B9D1: variants seen among roughly 807,000 people sequenced by gnomAD.
B9D1 encodes B9 domain containing 1.
B9D1 carries 20 observed loss-of-function variants against 26.1 expected under a neutral mutation model. The observed-to-expected ratio is 0.77, with a 90% confidence interval of 0.54 to 1.12. The LOEUF is 1.12. B9D1 is among the 50% of genes most tolerant of loss of function. The probability of loss-of-function intolerance (pLI) is 0.00; values close to 1 mark genes in which losing one functional copy is unlikely to be tolerated. For missense variants in B9D1, 260 were observed against 273.7 expected (o/e 0.95, Z 0.35); for synonymous variants, 105 against 103.1 (o/e 1.02, Z -0.11).
Position 19,362,616 on chromosome 17 carries a change from T to G in B9D1, c.-47A>C. 6.4e-7 allele frequency: 1 copy of G among 1,572,596 alleles called. No homozygotes were observed. Among genetic ancestry groups the G allele is most frequent in the South Asian group, 1.2e-5 (1 of 86,034 alleles). On this transcript the variant is annotated 5_prime_UTR_variant, in exon 1 of 7. Transcript: ENST00000261499. ...GGGACCCACCTAGGCCGCGCGCGGT[T>G]GCTAAGAGACGCCGGCGTTGCCCTA...
intron 3 of B9D1, among the ~76,000 whole-genome samples, chr17:19,348,455 G>C (rs1909156753): frequency 6.6e-6 from 1 of 152,238 alleles, no homozygotes; most frequent in Non-Finnish European, 1.5e-5. Flanking sequence ...GTGAGGCCCA[G>C]GGAGGGACTA....
intron 3 of B9D1, among the ~76,000 whole-genome samples, chr17:19,352,465 C>T (rs1322834969): frequency 6.6e-6 from 1 of 151,654 alleles, no homozygotes; most frequent in Non-Finnish European, 1.5e-5. Context: ...CTGCCTCACT[C>T]AGCCTCCCCA....
intron 5 of B9D1, among the ~76,000 whole-genome samples, chr17:19,346,144 G>A (rs1457409374): frequency 6.6e-6 from 1 of 152,204 alleles, no homozygotes; most frequent in East Asian, 1.9e-4. Context: ...GCACTGCCTC[G>A]CTGCCTCCCT....
Position 19,347,553 on chromosome 17 carries a change from T to G in B9D1, c.342-222A>C, listed in dbSNP as rs1451836205. On this transcript the variant is annotated intron_variant, in intron 4 of 6. Coordinates refer to ENST00000261499, the MANE Select transcript of B9D1 (RefSeq NM_015681.6). This position sits in a 1 kb window ranked among gnomAD's most constrained non-coding sequence, Gnocchi z 4.3. ...GGAGGTCAGAGTCCCTCAGGGTCTT[T>G]TCTTTTCTGGGTCCCACTACCTCCC... is the stretch of plus-strand genomic sequence containing the variant. Among the ~76,000 whole-genome samples the G allele has an allele frequency of 6.6e-6, 1 of 152,154 alleles. No individual in the cohort carries two copies. The highest frequency in any genetic ancestry group is 2.4e-5 in the African/African-American group (1 of 41,444).
chr17:19,366,011 A>T (rs1317570276), upstream of B9D1, among the ~76,000 whole-genome samples: 2 of 151,792 alleles, frequency 1.3e-5, no homozygotes, highest in African/African-American at 2.4e-5. Flanking sequence ...CTATCCGCCC[A>T]GAGAACTCCT....
downstream of B9D1, among the ~76,000 whole-genome samples, chr17:19,338,670 G>A (rs553180984): frequency 6.6e-6 from 1 of 152,294 alleles, no homozygotes; most frequent in African/African-American, 2.4e-5. Context: ...ATGTTCTGCT[G>A]GCAGCCCACA....
At chr17:19,352,746 C>T (rs1237348333) in intron 3 of B9D1, among the ~76,000 whole-genome samples, 2 of 152,056 alleles carry the variant, frequency 1.3e-5, no homozygotes, top group Non-Finnish European at 2.9e-5. Context: ...GTCTCGAACT[C>T]CCGACCTCAG....
At position 19,343,387 on chromosome 17, in the gene B9D1, A is replaced by G. The variant is rs1908222650; in HGVS notation, c.547T>C (p.Tyr183His). 1 of 1,614,182 alleles carries G rather than the reference A, an allele frequency of 6.2e-7. No individual in the cohort carries two copies. The highest frequency in any genetic ancestry group is 8.5e-7 in the Non-Finnish European group (1 of 1,180,024). Residue 183 changes from tyrosine to histidine, a missense_variant, in exon 7 of 7, where the codon TAT becomes CAT. Tyr to His is a moderately conservative substitution (Grantham distance 83). Coordinates refer to ENST00000261499, the MANE Select transcript of B9D1 (RefSeq NM_015681.6). ...VVTKDMRKLGYDTGPSDTQGV... is the reference protein window; with the variant it reads ...VVTKDMRKLGHDTGPSDTQGV... ...TGTGTATCAGAAGGCCCAGTGTCAT[A>G]GCCCAGTTTCCTCATGTCCTTGGTC...
At chr17:19,335,175 A>T (rs930886248), downstream of B9D1, 15 of 320,126 alleles carry the variant, frequency 4.7e-5, no homozygotes, top group Non-Finnish European at 5.1e-5. Context: ...ATGTTTATTT[A>T]AAAAAAAAAC....
intron 1 of B9D1, among the ~76,000 whole-genome samples, chr17:19,362,129 G>A (rs969795575): frequency 1.3e-5 from 2 of 152,218 alleles, no homozygotes; most frequent in Non-Finnish European, 2.9e-5. Context: ...CAGAACGCGG[G>A]ACAGTAACTC....
Position 19,343,223 on chromosome 17 carries a change from G to C in B9D1, c.*96C>G. The C allele has an allele frequency of 1.9e-6, 3 of 1,595,322 alleles. No individual in the cohort carries two copies. The highest frequency in any genetic ancestry group is 2.6e-6 in the Non-Finnish European group (3 of 1,173,302). On this transcript the variant is annotated 3_prime_UTR_variant, in exon 7 of 7. Coordinates refer to ENST00000261499, the MANE Select transcript of B9D1 (RefSeq NM_015681.6). Reference sequence around the variant, plus strand: ...TACAAAACTATTCTGTGTGCCCCCAGCTCTGGCCACCAGGCTGCCCCTCAG... The same window carrying C: ...TACAAAACTATTCTGTGTGCCCCCACCTCTGGCCACCAGGCTGCCCCTCAG...
At chr17:19,367,484 G>C (rs1485589735), upstream of B9D1, among the ~76,000 whole-genome samples, 1 of 151,904 alleles carries the variant, frequency 6.6e-6, no homozygotes, top group African/African-American at 2.4e-5. Flanking sequence ...GCTAATTTTT[G>C]TATTTTTGGT....
Position 19,370,607 on chromosome 17 carries a change from G to A in B9D1, c.-298+7252C>T, listed in dbSNP as rs994080853. On this transcript the variant is annotated intron_variant, in intron 1 of 5. Transcript: ENST00000477478. This position sits in a 1 kb window ranked among gnomAD's most constrained non-coding sequence, Gnocchi z 5.1. ...CAGCACCAATGGTGGAACTCCAGGCGTGGTGACAGGATGTGACCAGGTTCC... is the reference window on the plus strand; with the variant it reads ...CAGCACCAATGGTGGAACTCCAGGCATGGTGACAGGATGTGACCAGGTTCC... 2.0e-5 allele frequency among the ~76,000 whole-genome samples: 3 copies of A among 152,206 alleles called. No individual in the cohort carries two copies. The highest frequency in any genetic ancestry group is 2.1e-4 in the South Asian group (1 of 4,832).
intron 5 of B9D1, among the ~76,000 whole-genome samples, chr17:19,346,342 G>A (rs1908772759): frequency 6.6e-6 from 1 of 152,222 alleles, no homozygotes; most frequent in Non-Finnish European, 1.5e-5. Flanking sequence ...GCTCAGTGAA[G>A]CATTCTCGGC....
intron 3 of B9D1, chr17:19,357,491 C>T (rs1034033035): frequency 1.6e-5 from 6 of 382,932 alleles, no homozygotes; most frequent in Middle Eastern, 8.8e-4. Context: ...GAACACAACA[C>T]GCCATGGGAA....
At chr17:19,374,848 A>C (rs1384468750) in intron 1 of B9D1, among the ~76,000 whole-genome samples, 1 of 152,244 alleles carries the variant, frequency 6.6e-6, no homozygotes, top group Non-Finnish European at 1.5e-5. Context: ...AAATGGAAGT[A>C]AATATCTGTA....
At chr17:19,364,796 C>A (rs1201250388), upstream of B9D1, among the ~76,000 whole-genome samples, 1 of 152,248 alleles carries the variant, frequency 6.6e-6, no homozygotes, top group Non-Finnish European at 1.5e-5. The surrounding 1 kb of genome is among the most constrained non-coding windows in gnomAD (Gnocchi z 4.3). Flanking sequence ...GCTCTGTCCT[C>A]TGGTACACTC....
At chr17:19,365,725 A>G (rs1200715488), upstream of B9D1, among the ~76,000 whole-genome samples, 2 of 152,026 alleles carry the variant, frequency 1.3e-5, no homozygotes, top group East Asian at 1.9e-4. The surrounding 1 kb of genome is among the most constrained non-coding windows in gnomAD (Gnocchi z 5.0). Flanking sequence ...GTGGAATCCT[A>G]TGTGACTCAG....
downstream of B9D1, chr17:19,341,061 A>T (rs1006343472): frequency 1.8e-6 from 2 of 1,137,032 alleles, no homozygotes; most frequent in African/African-American, 1.6e-5. Flanking sequence ...TGTGGTGTTC[A>T]CTGTAAAATG....
Sources: gnomAD v4.1 joint callset for allele counts (sites outside exome capture counted in the v4.1 genomes callset) on GRCh38, gnomAD v4.1.1 for gene constraint, Gnocchi (gnomAD v3.1) non-coding constraint, MANE v1.5 for transcripts, NCBI Gene and HGNC (gene_info 2026-07-23, HGNC 2026-07-21) for gene names.